FOXK1: variants seen among roughly 807,000 people sequenced by gnomAD.
FOXK1 encodes forkhead box K1.
FOXK1 carries 19 observed loss-of-function variants against 51.9 expected under a neutral mutation model. That is an observed-to-expected ratio of 0.37 (90% CI 0.26 to 0.54). The LOEUF is 0.54. Among genes scored for constraint, FOXK1 ranks in the 20% least tolerant of loss-of-function variants. The pLI, the probability that FOXK1 is intolerant of heterozygous loss-of-function variation, is 0.87. For missense variants in FOXK1, 870 were observed against 1,032.7 expected, an observed-to-expected ratio of 0.84 and a Z score of 2.16; for synonymous variants, 537 against 482.6, an observed-to-expected ratio of 1.11 and a Z score of -1.48.
Position 4,767,609 on chromosome 7 carries a change from G to A in FOXK1, c.*5145G>A, listed in dbSNP as rs1583216881. The A allele has an allele frequency of 1.3e-5, 2 of 152,230 alleles. No individual in the cohort carries two copies. Among genetic ancestry groups the A allele is most frequent in the African/African-American group, 4.8e-5 (2 of 41,450 alleles). 9.4% of individuals were successfully genotyped at this position (152,230 alleles called of 1,614,324 possible). ...AATGTATTGTGGCTCTTGGAAATGA[G>A]GGTAGAATTTGAAATATAACAAATG... On this transcript the variant is annotated 3_prime_UTR_variant, in exon 9 of 9. Coordinates refer to ENST00000328914, the MANE Select transcript of FOXK1 (RefSeq NM_001037165.2). The surrounding 1 kb of genome is among the most constrained non-coding windows in gnomAD (Gnocchi z 6.6).
At chr7:4,719,214 C>T (rs556374517) in intron 1 of FOXK1, among the ~76,000 whole-genome samples, 5 of 151,796 alleles carry the variant, frequency 3.3e-5, no homozygotes, top group Admixed American at 1.3e-4. Context: ...GGCTCACTGC[C>T]GCCTTGAACT....
intron 1 of FOXK1, among the ~76,000 whole-genome samples, chr7:4,698,312 G>GTGTGTA (rs150885952): frequency 1.4e-5 from 2 of 147,108 alleles, no homozygotes; most frequent in African/African-American, 5.0e-5. Context: ...GTATGTGTGT[G>GTGTGTA]TATATATATA....
chr7:4,733,170 C>T lies in FOXK1; in HGVS notation c.561-7668C>T, dbSNP rs923920547. On this transcript the variant is annotated intron_variant, in intron 1 of 8. Coordinates refer to ENST00000328914, the MANE Select transcript of FOXK1 (RefSeq NM_001037165.2). This position sits in a 1 kb window ranked among gnomAD's most constrained non-coding sequence, Gnocchi z 5.0. ...GAGGGCCAAGTTTGTTTCTTTTATA[C>T]GTGACGGTCTTTTTTTTTTTAATTT... is the stretch of plus-strand genomic sequence containing the variant. Among the ~76,000 whole-genome samples, 5 of 151,874 alleles carry T rather than the reference C, an allele frequency of 3.3e-5. No individual in the cohort carries two copies. Among genetic ancestry groups the T allele is most frequent in the African/African-American group, 9.7e-5 (4 of 41,312 alleles).
rs188760422 is a variant in FOXK1, at chr7:4,703,574, C to T, written c.560+20706C>T. Reference sequence around the variant, plus strand: ...CCAGGAGACTTGGGTACATTTTGCTCATCTTAGGGTTGGGGACAGAACATC... The same window carrying T: ...CCAGGAGACTTGGGTACATTTTGCTTATCTTAGGGTTGGGGACAGAACATC... On this transcript the variant is annotated intron_variant, in intron 1 of 8. Coordinates refer to ENST00000328914, the MANE Select transcript of FOXK1 (RefSeq NM_001037165.2). The surrounding 1 kb of genome is among the most constrained non-coding windows in gnomAD (Gnocchi z 5.6). Among the ~76,000 whole-genome samples, 104 of 152,288 alleles carry T rather than the reference C, an allele frequency of 6.8e-4. No individual in the cohort carries two copies. Among genetic ancestry groups the T allele is most frequent in the East Asian group, 4.8e-3 (25 of 5,170 alleles).
At chr7:4,702,491 C>T (rs769701845) in intron 1 of FOXK1, among the ~76,000 whole-genome samples, 5 of 152,074 alleles carry the variant, frequency 3.3e-5, no homozygotes, top group African/African-American at 7.2e-5. Flanking sequence ...TACAGGCACG[C>T]GCCACCATGC....
intron 1 of FOXK1, among the ~76,000 whole-genome samples, chr7:4,704,450 C>CA (rs3050383): frequency 0.11 from 7,133 of 65,950 alleles, 306 homozygotes; most frequent in African/African-American, 0.14. Flanking sequence ...GACTCTGTCT[C>CA]AAAAAAAAAA....
chr7:4,761,293 GGC>G lies in FOXK1; in HGVS notation c.1921+6_1921+7del, dbSNP rs752161636. On this transcript the variant is annotated splice_donor_region_variant and intron_variant, in intron 8 of 8. Transcript: ENST00000328914. The surrounding 1 kb of genome is among the most constrained non-coding windows in gnomAD (Gnocchi z 6.2). ...GTTTAGCCGGCAACGCTTACGGTGA[GGC>G]CCTGGCCCTGTTCTCCATGCCACAT... 1.2e-6 allele frequency: 2 copies of G among 1,609,248 alleles called. No homozygotes were observed. The highest frequency in any genetic ancestry group is 1.7e-6 in the Non-Finnish European group (2 of 1,178,982).
chr7:4,725,252 G>T (rs1780364782), intron 1 of FOXK1, among the ~76,000 whole-genome samples: 1 of 152,258 alleles, frequency 6.6e-6, no homozygotes, highest in Non-Finnish European at 1.5e-5. Context: ...CCAGGCTTTG[G>T]CCCAGGTGGC....
intron 1 of FOXK1, among the ~76,000 whole-genome samples, chr7:4,717,928 A>G (rs1780256910): frequency 6.6e-6 from 1 of 151,974 alleles, no homozygotes; most frequent in African/African-American, 2.4e-5. Context: ...AATATTAAGC[A>G]TTTTTGCCTC....
rs1779772557 is a variant in FOXK1 at position 4,683,005 on chromosome 7, C to T, written c.560+137C>T. ...CCCCCGGCCCACCCCCGGTAACCCC[C>T]GACCGGCCTGGACTCCGGGGTCAAC... is the stretch of plus-strand genomic sequence containing the variant. On this transcript the variant is annotated intron_variant, in intron 1 of 8. Transcript: ENST00000328914. This position sits in a 1 kb window ranked among gnomAD's most constrained non-coding sequence, Gnocchi z 4.5. The T allele has an allele frequency of 1.1e-6, 1 of 927,148 alleles. No homozygotes were observed. Among genetic ancestry groups the T allele is most frequent in the Non-Finnish European group, 1.5e-6 (1 of 658,676 alleles). 57.4% of individuals were successfully genotyped at this position (927,148 alleles called of 1,614,324 possible).
In FOXK1 at chr7:4,722,060, C is replaced by G. The variant is rs1198058680; in HGVS notation, c.561-18778C>G. Among the ~76,000 whole-genome samples the G allele has an allele frequency of 6.6e-6, 1 of 152,228 alleles. No individual in the cohort carries two copies. Among genetic ancestry groups the G allele is most frequent in the African/African-American group, 2.4e-5 (1 of 41,464 alleles). The stretch of plus-strand genomic sequence containing the variant: ...CCCCGCTGCATCCCATACCCTCCAC[C>G]CATCCCAGCAGCCTCATGCCTGTGG... On this transcript the variant is annotated intron_variant, in intron 1 of 8. Transcript: ENST00000328914. The surrounding 1 kb of genome is among the most constrained non-coding windows in gnomAD (Gnocchi z 5.1).
Position 4,755,426 on chromosome 7 carries a change from T to C in FOXK1, c.1050+43T>C, listed in dbSNP as rs765815513. ...GGGCCGGATCGCCTCTGAAGGCCCT[T>C]AGAACATGGAACTCACAGGCATATT... is the stretch of plus-strand genomic sequence containing the variant. On this transcript the variant is annotated intron_variant, in intron 4 of 8. Coordinates refer to ENST00000328914, the MANE Select transcript of FOXK1 (RefSeq NM_001037165.2). The surrounding 1 kb of genome is among the most constrained non-coding windows in gnomAD (Gnocchi z 6.6). 4 of 1,604,100 alleles carry C rather than the reference T, an allele frequency of 2.5e-6. No individual in the cohort carries two copies. The highest frequency in any genetic ancestry group is 3.4e-6 in the Non-Finnish European group (4 of 1,174,028).
chr7:4,706,029 T>C (rs1780095525), intron 1 of FOXK1, among the ~76,000 whole-genome samples: 1 of 106,818 alleles, frequency 9.4e-6, no homozygotes, highest in Non-Finnish European at 1.7e-5. Context: ...TATACGTGTA[T>C]ATACGTGTAT....
chr7:4,759,470 T>C lies in FOXK1; in HGVS notation c.1571T>C (p.Met524Thr), dbSNP rs1780902221. 1 of 1,586,828 alleles carries C rather than the reference T, an allele frequency of 6.3e-7. No homozygotes were observed. The highest frequency in any genetic ancestry group is 8.5e-7 in the Non-Finnish European group (1 of 1,171,840). Residue 524 changes from methionine to threonine, a missense_variant, in exon 7 of 9, where the codon ATG (methionine) becomes ACG (threonine). Physicochemically the swap from Met to Thr is moderately conservative, Grantham distance 81. Around this residue, in one of 3 missense-constraint regions of FOXK1, gnomAD observed 457 missense variants for 510.8 expected, o/e 0.89. Transcript: ENST00000328914. ...HVVQQAPTVT[M>T]VRVVTTSANS... is the part of the protein sequence containing the mutation. ...GTGCAGCAGGCCCCCACCGTCACCA[T>C]GGTCAGGGTGGTCACCACATCTGCC...
In FOXK1 at chr7:4,765,550, C is replaced by T. The variant is rs1343078547; in HGVS notation, c.*3086C>T. The T allele has an allele frequency of 6.6e-6, 1 of 152,518 alleles. No homozygotes were observed. The highest frequency in any genetic ancestry group is 2.4e-5 in the African/African-American group (1 of 41,462). 9.4% of individuals were successfully genotyped at this position (152,518 alleles called of 1,614,324 possible). The stretch of plus-strand genomic sequence containing the variant: ...GGGAGCAAAAGTAGCTGATTCCAGC[C>T]CCGTTCTGGGGTCACTGGGGAGGCA... On this transcript the variant is annotated 3_prime_UTR_variant, in exon 9 of 9. Transcript: ENST00000328914.
In FOXK1 at chr7:4,768,796, G is replaced by A. The variant is rs949713986; in HGVS notation, c.*6332G>A. ...TCGTCTCTGACTGATGAACCTCGCC[G>A]TGCCTGTCTGTCACATCCAAGTCTG... On this transcript the variant is annotated 3_prime_UTR_variant, in exon 9 of 9. Transcript: ENST00000328914. The A allele has an allele frequency of 1.3e-5, 2 of 152,278 alleles. No individual in the cohort carries two copies. The highest frequency in any genetic ancestry group is 2.9e-5 in the Non-Finnish European group (2 of 68,110). 9.4% of individuals were successfully genotyped at this position (152,278 alleles called of 1,614,324 possible). A position where few individuals can be genotyped will look rare whatever the true frequency, so the allele number is the denominator to read the frequency against.
chr7:4,684,388 T>C (rs1279969217), intron 1 of FOXK1, among the ~76,000 whole-genome samples: 2 of 152,336 alleles, frequency 1.3e-5, no homozygotes, highest in East Asian at 3.9e-4. Flanking sequence ...TTGGCATGTT[T>C]GGTTACAGAT....
chr7:4,702,072 C>T (rs1219825328), intron 1 of FOXK1, among the ~76,000 whole-genome samples: 1 of 152,074 alleles, frequency 6.6e-6, no homozygotes, highest in Non-Finnish European at 1.5e-5. Flanking sequence ...AAGACCCTGT[C>T]TCAAAAAAAA....
Position 4,715,422 on chromosome 7 carries a change from C to T in FOXK1, c.561-25416C>T, listed in dbSNP as rs1780221712. Among the ~76,000 whole-genome samples, 1 of 152,012 alleles carries T rather than the reference C, an allele frequency of 6.6e-6. No homozygotes were observed. The highest frequency in any genetic ancestry group is 2.4e-5 in the African/African-American group (1 of 41,370). On this transcript the variant is annotated intron_variant, in intron 1 of 8. Coordinates refer to ENST00000328914, the MANE Select transcript of FOXK1 (RefSeq NM_001037165.2). The surrounding 1 kb of genome is among the most constrained non-coding windows in gnomAD (Gnocchi z 4.5). ...CGCACGGTGGTCCAGATCGTCTGTG[C>T]ACCCATCCTTGCCCTGCCTCCCTCC...
Sources: gnomAD v4.1 joint callset for allele counts (sites outside exome capture counted in the v4.1 genomes callset) on GRCh38, gnomAD v4.1.1 for gene constraint, gnomAD v4.1.1 regional missense constraint, Gnocchi (gnomAD v3.1) non-coding constraint, MANE v1.5 for transcripts, NCBI Gene and HGNC (gene_info 2026-07-23, HGNC 2026-07-21) for gene names.